Variants in PRR5 observed in about 807,000 individuals in gnomAD.
PRR5 encodes proline rich 5.
Under a neutral mutation model 30.6 loss-of-function variants are expected in PRR5, and 25 were observed. The ratio of observed to expected loss-of-function variants is 0.82; its 90% CI spans 0.60 to 1.14. PRR5 has a LOEUF of 1.14. PRR5 is among the 50% of genes most tolerant of loss of function. The pLI is 0.00. For missense variants in PRR5, 600 were observed against 547.1 expected, an observed-to-expected ratio of 1.10 and a Z score of -0.96; for synonymous variants, 286 against 247.1, an observed-to-expected ratio of 1.16 and a Z score of -1.48.
At chr22:44,730,315 A>G in intron 4 of PRR5, 1 of 985,372 alleles carries the variant, frequency 1.0e-6, no homozygotes, top group Non-Finnish European at 1.2e-6. Context: ...GCCCACACCA[A>G]GATCTCTCTC....
intron 2 of PRR5, among the ~76,000 whole-genome samples, chr22:44,720,607 A>T (rs995174783): frequency 1.3e-5 from 2 of 152,284 alleles, no homozygotes; most frequent in African/African-American, 4.8e-5. Flanking sequence ...CACTACTTAC[A>T]CGCTTGGGAG....
At chr22:44,724,587 G>C (rs1930405072) in intron 2 of PRR5, among the ~76,000 whole-genome samples, 1 of 152,184 alleles carries the variant, frequency 6.6e-6, no homozygotes, top group African/African-American at 2.4e-5. Context: ...TGTGGAATGT[G>C]GTGCTCCCAT....
chr22:44,735,362 T>G (rs1405626416), intron 7 of PRR5, among the ~76,000 whole-genome samples, 200 bp downstream of exon 7: 1 of 152,184 alleles, frequency 6.6e-6, no homozygotes, highest in Non-Finnish European at 1.5e-5. Context: ...CCCTGAGCGG[T>G]GATGTGGCAA....
At chr22:44,721,500 A>G (rs189256257) in intron 2 of PRR5, among the ~76,000 whole-genome samples, 1 of 152,290 alleles carries the variant, frequency 6.6e-6, no homozygotes, top group Non-Finnish European at 1.5e-5. Context: ...ACTTGGCCCA[A>G]CCAATTGTGG....
At chr22:44,731,296 CG>C (rs1921916489) in intron 4 of PRR5, 1 of 272,908 alleles carries the variant, frequency 3.7e-6, no homozygotes, top group Non-Finnish European at 7.2e-6. Flanking sequence ...CCTACCTGTG[CG>C]GGTCTCACCT....
chr22:44,699,180 A>G (rs1327483802), upstream of PRR5, among the ~76,000 whole-genome samples: 1 of 152,108 alleles, frequency 6.6e-6, no homozygotes, highest in Non-Finnish European at 1.5e-5. Flanking sequence ...CTTCTCCCAG[A>G]TGCCTACAGC....
intron 1 of PRR5, among the ~76,000 whole-genome samples, chr22:44,683,029 G>A (rs1330023120): frequency 6.6e-6 from 1 of 152,228 alleles, no homozygotes; most frequent in Non-Finnish European, 1.5e-5. Context: ...AATAAGTGAA[G>A]GGTGAGCATG....
In PRR5 at chr22:44,731,762, T is replaced by C; in HGVS notation, c.355T>C (p.Trp119Arg). ...QKLLDSLAET[W>R]DFFFSDVLPM... The stretch of plus-strand genomic sequence containing the variant: ...GCTGCTGGACTCACTGGCAGAGACC[T>C]GGGACTTCTTCTTCAGTGACGTGCT... The change falls in exon 5 of 8, where the codon TGG (tryptophan) becomes CGG (arginine). Residue 119 changes from tryptophan to arginine, a missense_variant. Trp to Arg is a moderately radical substitution (Grantham distance 101). Transcript: ENST00000336985. The C allele has an allele frequency of 6.2e-7, 1 of 1,613,818 alleles. No homozygotes were observed. The highest frequency in any genetic ancestry group is 8.5e-7 in the Non-Finnish European group (1 of 1,180,010).
intron 6 of PRR5, among the ~76,000 whole-genome samples, chr22:44,733,810 A>T (rs142717663): frequency 6.6e-6 from 1 of 152,136 alleles, no homozygotes; most frequent in Admixed American, 6.5e-5. Context: ...AGGCCAGGAC[A>T]TAGGAGCCTG....
chr22:44,722,064 C>A (rs1404161203), intron 2 of PRR5, among the ~76,000 whole-genome samples: 2 of 152,158 alleles, frequency 1.3e-5, no homozygotes, highest in Admixed American at 1.3e-4. Flanking sequence ...GTTGGGGGGA[C>A]TGCTGGGGCG....
At chr22:44,729,321 A>G in intron 4 of PRR5, 1 of 980,708 alleles carries the variant, frequency 1.0e-6, no homozygotes, top group Non-Finnish European at 1.2e-6. Context: ...CAGGGCCTGC[A>G]CAGGGCCCTC....
rs1234826515 is a variant in PRR5 at position 44,703,123 on chromosome 22, A to G, written c.134+515A>G. ...GCAGGGGGTGCGGCAGCTGCGAGGC[A>G]TTCTTTAGAGGACTCTCCTCCAGGG... On this transcript the variant is annotated intron_variant, in intron 1 of 7. Transcript: ENST00000336985. Among the ~76,000 whole-genome samples, 6 of 152,180 alleles carry G rather than the reference A, an allele frequency of 3.9e-5. No homozygotes were observed. In the East Asian group the frequency reaches 9.7e-4, roughly 25 times the overall value.
Position 44,737,012 on chromosome 22 carries a change from C to T in PRR5, c.932C>T (p.Pro311Leu), listed in dbSNP as rs764509010. The change falls in exon 8 of 8, where the codon CCG becomes CTG. Residue 311 changes from proline to leucine, a missense_variant. Physicochemically the swap from Pro to Leu is moderately conservative, Grantham distance 98 (BLOSUM62 -3). Transcript: ENST00000336985. ...QGPTGTFRSS[P>L]APHSGPCPSR... The stretch of plus-strand genomic sequence containing the variant: ...CCCACCGGGACCTTCAGGTCCTCCC[C>T]GGCGCCCCACTCAGGGCCCTGCCCC... 1.1e-5 allele frequency: 18 copies of T among 1,600,072 alleles called. No individual in the cohort carries two copies. The East Asian group carries it at 1.8e-4, about 16-fold the overall frequency.
chr22:44,704,534 C>T (rs1467999740), intron 1 of PRR5, among the ~76,000 whole-genome samples: 1 of 152,076 alleles, frequency 6.6e-6, no homozygotes, highest in Non-Finnish European at 1.5e-5. Context: ...CCAGCCCCTC[C>T]CCGCGGCACC....
chr22:44,678,521 G>T (rs931277978), intron 1 of PRR5, among the ~76,000 whole-genome samples: 2 of 151,932 alleles, frequency 1.3e-5, no homozygotes, highest in Non-Finnish European at 2.9e-5. Context: ...CACCATGTTG[G>T]CCAGGCTGGT....
rs774996486 is a variant in PRR5 at position 44,737,282 on chromosome 22, G to T, written c.*35G>T. The stretch of plus-strand genomic sequence containing the variant: ...GCTGGCCTTGAGTTTTTACTGACAC[G>T]TCCCTGTGTGCGGGGGTGTCCATGT... On this transcript the variant is annotated 3_prime_UTR_variant, in exon 8 of 8. Coordinates refer to ENST00000336985, the MANE Select transcript of PRR5 (RefSeq NM_181333.4). The T allele has an allele frequency of 2.6e-6, 4 of 1,567,208 alleles. No individual in the cohort carries two copies. The Admixed American group carries it at 7.0e-5, about 27-fold the overall frequency.
intron 1 of PRR5, among the ~76,000 whole-genome samples, chr22:44,694,856 G>A (rs1925606903): frequency 6.6e-6 from 1 of 152,250 alleles, no homozygotes; most frequent in South Asian, 2.1e-4. Flanking sequence ...GACAGGGAAG[G>A]TATTGCAGCT....
chr22:44,732,779 G>A (rs1315159019), intron 6 of PRR5, among the ~76,000 whole-genome samples: 7 of 105,096 alleles, frequency 6.7e-5, no homozygotes, highest in East Asian at 3.8e-4. Context: ...ATGCCTGTGT[G>A]CACGCACATA....
At chr22:44,734,975 G>A in intron 6 of PRR5, 52 bp from the exon 7 acceptor site, 1 of 1,562,670 alleles carries the variant, frequency 6.4e-7, no homozygotes, top group Non-Finnish European at 8.8e-7. Context: ...AGAGCCTGGA[G>A]CCACCAAGCT....
Sources: allele counts gnomAD v4.1 joint callset (sites outside exome capture counted in the v4.1 genomes callset), GRCh38; gene constraint gnomAD v4.1.1; transcripts MANE v1.5; gene names NCBI Gene and HGNC (gene_info 2026-07-23, HGNC 2026-07-21).